CATSPERD: variants seen among roughly 807,000 people sequenced by gnomAD.
CATSPERD encodes the protein catsper channel auxiliary subunit delta.
CATSPERD carries 86 observed loss-of-function variants against 98.1 expected under a neutral mutation model. The observed-to-expected ratio is 0.88, with a 90% confidence interval of 0.74 to 1.05. The LOEUF (loss-of-function observed/expected upper bound fraction) is 1.05. CATSPERD is among the 50% of genes least tolerant of loss of function. The probability of loss-of-function intolerance (pLI) is 0.00; values close to 1 mark genes in which losing one functional copy is unlikely to be tolerated. For missense variants in CATSPERD, 995 were observed against 1,005.7 expected, an observed-to-expected ratio of 0.99 and a Z score of 0.14; for synonymous variants, 394 against 390.2, an observed-to-expected ratio of 1.01 and a Z score of -0.12.
At position 5,743,183 on chromosome 19, in the gene CATSPERD, A is replaced by G. The variant is rs552408845; in HGVS notation, c.574-1244A>G. ...CCAGGTGTGGTGGCAGGCGCCTGTA[A>G]TCCCAGCTACTCGGGAGGCTGAGGC... On this transcript the variant is annotated intron_variant, in intron 7 of 21. Transcript: ENST00000381624. Among the ~76,000 whole-genome samples, 8 of 151,980 alleles carry G rather than the reference A, an allele frequency of 5.3e-5. No homozygotes were observed. The South Asian group carries it at 1.7e-3, about 32-fold the overall frequency.
chr19:5,770,756 A>G (rs1181211465), intron 18 of CATSPERD, among the ~76,000 whole-genome samples, 188 bp from the exon 19 acceptor site: 1 of 152,100 alleles, frequency 6.6e-6, no homozygotes, highest in Non-Finnish European at 1.5e-5. Context: ...GCTCCAGCCA[A>G]AAAATTAACT....
rs370046981 is a variant in CATSPERD, at chr19:5,737,189, G to C, written c.443G>C (p.Gly148Ala). 1.2e-5 allele frequency: 20 copies of C among 1,608,884 alleles called. No homozygotes were observed. The African/African-American group carries it at 2.5e-4, about 20-fold the overall frequency. The change falls in exon 6 of 22, where the codon GGA (glycine) becomes GCA (alanine). Residue 148 changes from glycine (G) to alanine (A), a missense_variant. Physicochemically the swap from Gly to Ala is moderately conservative, Grantham distance 60. Coordinates refer to ENST00000381624, the MANE Select transcript of CATSPERD (RefSeq NM_152784.4). ...TCTGGTGATAATTGTTGTTATACTGGAAGTTTGTTTTGTGTGGTAAGTATA... is the reference window on the plus strand; with the variant it reads ...TCTGGTGATAATTGTTGTTATACTGCAAGTTTGTTTTGTGTGGTAAGTATA... ...HVSGDNCCYT[G>A]SLFCVHVSNL...
At chr19:5,752,182 G>A (rs1412332612) in intron 12 of CATSPERD, among the ~76,000 whole-genome samples, 3 of 151,944 alleles carry the variant, frequency 2.0e-5, no homozygotes, top group Admixed American at 6.6e-5. Context: ...GGTGGCGGGC[G>A]CCTGTAATCC....
rs1421601691 is a variant in CATSPERD at position 5,737,498 on chromosome 19, C to T, written c.459+293C>T. Among the ~76,000 whole-genome samples, 9 of 146,538 alleles carry T rather than the reference C, an allele frequency of 6.1e-5. No individual in the cohort carries two copies. In the South Asian group the frequency reaches 1.7e-3, roughly 28 times the overall value. ...CCAGGAGATCGAGGCTGCAATGAGC[C>T]GTGATTACACCACTGCACTCCAGCC... On this transcript the variant is annotated intron_variant, in intron 6 of 21. Transcript: ENST00000381624.
At chr19:5,752,799 G>A (rs890111574) in intron 12 of CATSPERD, among the ~76,000 whole-genome samples, 1 of 151,904 alleles carries the variant, frequency 6.6e-6, no homozygotes, top group Admixed American at 6.6e-5. Flanking sequence ...AGGCCGAGGC[G>A]GGCGGATCAC....
intron 11 of CATSPERD, 133 bp downstream of exon 11, chr19:5,749,316 A>C: frequency 8.4e-6 from 4 of 477,956 alleles, no homozygotes; most frequent in Non-Finnish European, 1.5e-5. Context: ...ACATGGTGAA[A>C]CCCTGTCTCT....
intron 12 of CATSPERD, 104 bp from the exon 13 acceptor site, chr19:5,754,028 T>G (rs1363537538): frequency 1.1e-5 from 8 of 752,956 alleles, no homozygotes; most frequent in South Asian, 7.8e-5. Flanking sequence ...AAGTGGAGAT[T>G]CAGGCTGCAG....
Position 5,751,197 on chromosome 19 carries a change from CAAAAAAAAAAAAAAAAAAAAAAAAAA to C in CATSPERD, c.988-430_988-405del, listed in dbSNP as rs556079596. Among the ~76,000 whole-genome samples, 63 of 46,628 alleles carry C rather than the reference CAAAAAAAAAAAAAAAAAAAAAAAAAA, an allele frequency of 1.4e-3. 1 individual carries two copies. Among genetic ancestry groups the C allele is most frequent in the Non-Finnish European group, 2.2e-3 (56 of 25,858 alleles). The allele number at this position is 46,628 out of a possible 152,430, so 30.6% of individuals were successfully genotyped here. A position where few individuals can be genotyped will look rare whatever the true frequency, so the allele number is the denominator to read the frequency against. On this transcript the variant is annotated intron_variant, in intron 11 of 21. Coordinates refer to ENST00000381624, the MANE Select transcript of CATSPERD (RefSeq NM_152784.4). ...CAGGCGACAGAACAAGATTCCGTCT[CAAAAAAAAAAAAAAAAAAAAAAAAAA>C]AAAAAAAAAAAAAAAAAAAGGCCTG...
rs558274412 is a variant in CATSPERD, at chr19:5,726,676, C to T, written c.127-592C>T. Among the ~76,000 whole-genome samples the T allele has an allele frequency of 2.0e-5, 3 of 152,252 alleles. No homozygotes were observed. The East Asian group carries it at 5.8e-4, about 29-fold the overall frequency. ...GGATTACAGACGTGAGCCACCGCACCTGGCCCACCCTGTGAATTAAAAAAA... is the reference window on the plus strand; with the variant it reads ...GGATTACAGACGTGAGCCACCGCACTTGGCCCACCCTGTGAATTAAAAAAA... On this transcript the variant is annotated intron_variant, in intron 2 of 21. Coordinates refer to ENST00000381624, the MANE Select transcript of CATSPERD (RefSeq NM_152784.4).
intron 10 of CATSPERD, among the ~76,000 whole-genome samples, 157 bp from the exon 11 acceptor site, chr19:5,748,944 G>A (rs552028076): frequency 7.3e-5 from 11 of 151,446 alleles, no homozygotes; most frequent in Non-Finnish European, 1.3e-4. Flanking sequence ...TGGCCAGGCT[G>A]GTCTCAAACT....
rs532677378 is a variant in CATSPERD, at chr19:5,750,031, T to C, written c.987+848T>C. Among the ~76,000 whole-genome samples the C allele has an allele frequency of 4.0e-5, 6 of 151,524 alleles. No homozygotes were observed. The South Asian group carries it at 1.0e-3, about 26-fold the overall frequency. On this transcript the variant is annotated intron_variant, in intron 11 of 21. Transcript: ENST00000381624. The stretch of plus-strand genomic sequence containing the variant: ...ATTGTCCAGGCTGGTCTTCAACTCC[T>C]GACCTCAGGTGATCCACCCGCCTAG...
chr19:5,728,054 A>AAT (rs2055640185), intron 3 of CATSPERD, among the ~76,000 whole-genome samples: 6 of 149,050 alleles, frequency 4.0e-5, no homozygotes, highest in Non-Finnish European at 7.4e-5. Flanking sequence ...AAAAAAAAAA[A>AAT]ATACAGAAAA....
chr19:5,777,983 C>T (rs1005931862), intron 21 of CATSPERD, among the ~76,000 whole-genome samples: 5 of 150,296 alleles, frequency 3.3e-5, no homozygotes, highest in African/African-American at 9.8e-5. Context: ...CAGAGGCGGG[C>T]GGATCACTTG....
In CATSPERD at chr19:5,725,533, G is replaced by T. The variant is rs562199433; in HGVS notation, c.126+671G>T. 2.6e-5 allele frequency among the ~76,000 whole-genome samples: 4 copies of T among 152,254 alleles called. No homozygotes were observed. In the South Asian group the frequency reaches 8.3e-4, roughly 32 times the overall value. ...TACCTCATGTAATGTCACAGGAAAT[G>T]TCAGTTTACTTCATGCTTAAAATGC... On this transcript the variant is annotated intron_variant, in intron 2 of 21. Transcript: ENST00000381624.
At chr19:5,727,818 C>T (rs1002301062) in intron 3 of CATSPERD, among the ~76,000 whole-genome samples, 3 of 151,898 alleles carry the variant, frequency 2.0e-5, no homozygotes, top group Non-Finnish European at 2.9e-5. Context: ...GGATGCTTAC[C>T]CTCACCCTGA....
intron 12 of CATSPERD, 57 bp from the exon 13 acceptor site, chr19:5,754,075 C>A: frequency 8.3e-7 from 1 of 1,211,370 alleles, no homozygotes; most frequent in South Asian, 1.2e-5. Flanking sequence ...CACCTCCTTG[C>A]CCTTTCTTTA....
At chr19:5,750,716 C>T (rs2056196249) in intron 11 of CATSPERD, among the ~76,000 whole-genome samples, 1 of 151,754 alleles carries the variant, frequency 6.6e-6, no homozygotes, top group South Asian at 2.1e-4. Flanking sequence ...GCCTGGGCGA[C>T]AGAGTGAGGC....
In CATSPERD at chr19:5,748,343, G is replaced by A. The variant is rs866376155; in HGVS notation, c.904+88G>A. On this transcript the variant is annotated intron_variant, in intron 10 of 21. Transcript: ENST00000381624. ...GCCAGACCCAACCCAGCCAAAACAC[G>A]AAATCAGCTGGGCGCGGTGGCTCAT... is the stretch of plus-strand genomic sequence containing the variant. 4.6e-5 allele frequency: 58 copies of A among 1,256,292 alleles called. No individual in the cohort carries two copies. The Middle Eastern group carries it at 2.6e-3, about 57-fold the overall frequency. The allele number at this position is 1,256,292 out of a possible 1,614,324, so 77.8% of individuals were successfully genotyped here.
intron 7 of CATSPERD, among the ~76,000 whole-genome samples, chr19:5,741,020 G>C (rs77566416): frequency 6.6e-6 from 1 of 152,034 alleles, no homozygotes; most frequent in Admixed American, 6.6e-5. Flanking sequence ...GGGATGTGGA[G>C]GTTGCAGTGA....
Sources: allele counts gnomAD v4.1 joint callset (sites outside exome capture counted in the v4.1 genomes callset), GRCh38; gene constraint gnomAD v4.1.1; transcripts MANE v1.5; gene names NCBI Gene and HGNC (gene_info 2026-07-23, HGNC 2026-07-21).